The following FTO variants were observed in gnomAD, a reference collection of about 807,000 sequenced individuals.
FTO encodes FTO alpha-ketoglutarate dependent dioxygenase.
Under a neutral mutation model 63.9 loss-of-function variants are expected in FTO, and 47 were observed. The ratio of observed to expected loss-of-function variants is 0.74; its 90% CI spans 0.58 to 0.94. The LOEUF is 0.94. Ranked by LOEUF, FTO falls within the 40% of genes least tolerant of loss-of-function variation. The pLI, the probability that FTO is intolerant of heterozygous loss-of-function variation, is 0.00. For synonymous variants in FTO, 207 were observed against 224.4 expected, an observed-to-expected ratio of 0.92 and a Z score of 0.69; for missense variants, 562 against 618.1, an observed-to-expected ratio of 0.91 and a Z score of 0.96.
chr16:53,945,614 CTA>C (rs1260495115), intron 8 of FTO, among the ~76,000 whole-genome samples: 6 of 152,184 alleles, frequency 3.9e-5, no homozygotes, highest in African/African-American at 1.4e-4. Context: ...GGGTGCATCT[CTA>C]TAAGGAAATA....
chr16:53,739,269 G>A (rs753653015), intron 1 of FTO, among the ~76,000 whole-genome samples: 3 of 151,994 alleles, frequency 2.0e-5, no homozygotes, highest in Admixed American at 6.6e-5. Context: ...GCAATGGCAC[G>A]ATGTCGGCTC....
At chr16:53,890,623 T>A (rs937233940) in intron 7 of FTO, among the ~76,000 whole-genome samples, 7 of 152,236 alleles carry the variant, frequency 4.6e-5, no homozygotes, top group Non-Finnish European at 1.0e-4. Context: ...ATAATCCTTT[T>A]AATGTATTAA....
intron 1 of FTO, among the ~76,000 whole-genome samples, chr16:53,808,175 A>G (rs1007849299): frequency 1.3e-5 from 2 of 151,990 alleles, no homozygotes; most frequent in African/African-American, 4.8e-5. Context: ...CAAAAAAAGT[A>G]AAACAAAACT....
intron 1 of FTO, among the ~76,000 whole-genome samples, chr16:53,781,065 A>G (rs1050111460): frequency 6.6e-6 from 1 of 152,228 alleles, no homozygotes; most frequent in Non-Finnish European, 1.5e-5. Context: ...CACATTCCCA[A>G]CTGTGCCCCT....
At chr16:53,999,377 G>A (rs951950949) in intron 8 of FTO, among the ~76,000 whole-genome samples, 1 of 152,158 alleles carries the variant, frequency 6.6e-6, no homozygotes, top group Non-Finnish European at 1.5e-5. Context: ...AAGACTTTCC[G>A]GGTAAAGTTT....
chr16:54,020,809 T>G (rs942110601), intron 8 of FTO, among the ~76,000 whole-genome samples: 54 of 152,214 alleles, frequency 3.5e-4, no homozygotes, highest in African/African-American at 1.3e-3. Context: ...TCATCTCTAC[T>G]AACAATACAA....
In FTO at chr16:53,903,850, A is replaced by G. The variant is rs147579640; in HGVS notation, c.1239+14899A>G. 2.4e-3 allele frequency among the ~76,000 whole-genome samples: 369 copies of G among 152,258 alleles called. 2 individuals are homozygous for G. The highest frequency in any genetic ancestry group is 8.6e-3 in the African/African-American group (359 of 41,560). On this transcript the variant is annotated intron_variant, in intron 7 of 8. Coordinates refer to ENST00000471389, the MANE Select transcript of FTO (RefSeq NM_001080432.3). ...AAGGATGTGTGCATTTTTAATTTTA[A>G]GAGAGATGGTCAAATGCCTTCCATA...
In FTO at chr16:53,751,620, G is replaced by A. The variant is rs144732683; in HGVS notation, c.45+47391G>A. On this transcript the variant is annotated intron_variant, in intron 1 of 8. Coordinates refer to ENST00000471389, the MANE Select transcript of FTO (RefSeq NM_001080432.3). ...GGCAAATCTATGAAGATGGGAAGTA[G>A]GTGAGTGATTGCCCAGGGGTGGGGT... Among the ~76,000 whole-genome samples the A allele has an allele frequency of 8.5e-5, 13 of 152,294 alleles. No homozygotes were observed. The East Asian group carries it at 2.3e-3, about 27-fold the overall frequency.
chr16:53,801,723 A>AT (rs60351438), intron 1 of FTO, among the ~76,000 whole-genome samples: 14,956 of 137,878 alleles, frequency 0.11, 1,039 homozygotes, highest in African/African-American at 0.22. Flanking sequence ...TCCGGCAACC[A>AT]TTTTTTTTTT....
chr16:53,961,789 C>T (rs2083086757), intron 8 of FTO, among the ~76,000 whole-genome samples: 1 of 152,158 alleles, frequency 6.6e-6, no homozygotes, highest in African/African-American at 2.4e-5. Context: ...CAGTGATTTG[C>T]GCTAGTCTGG....
intron 8 of FTO, among the ~76,000 whole-genome samples, chr16:54,041,259 G>C (rs2085068424): frequency 6.6e-6 from 1 of 152,048 alleles, no homozygotes; most frequent in African/African-American, 2.4e-5. Flanking sequence ...AAAGCAAGAC[G>C]GCAGGAGAGG....
intron 4 of FTO, among the ~76,000 whole-genome samples, chr16:53,868,870 C>G (rs2080407798): frequency 6.6e-6 from 1 of 152,020 alleles, no homozygotes; most frequent in East Asian, 1.9e-4. Context: ...TTCACTCTGT[C>G]TCCCAGGCTG....
At chr16:53,756,496 T>C (rs1460712948) in intron 1 of FTO, among the ~76,000 whole-genome samples, 1 of 152,248 alleles carries the variant, frequency 6.6e-6, no homozygotes, top group African/African-American at 2.4e-5. Context: ...TTTCCGGCCA[T>C]AAAGTTTGCA....
At chr16:53,822,899 G>A (rs1184297529) in intron 2 of FTO, among the ~76,000 whole-genome samples, 5 of 152,082 alleles carry the variant, frequency 3.3e-5, no homozygotes, top group South Asian at 2.1e-4. Flanking sequence ...TCTCTGCATC[G>A]TCAGCCTCTT....
intron 8 of FTO, chr16:53,979,282 T>C (rs1599134114): frequency 2.5e-6 from 1 of 396,876 alleles, no homozygotes; most frequent in African/African-American, 2.1e-5. Flanking sequence ...AAGGAGAGTG[T>C]ACATTGTAAG....
At chr16:53,796,410 A>T (rs2078073095) in intron 1 of FTO, among the ~76,000 whole-genome samples, 1 of 152,200 alleles carries the variant, frequency 6.6e-6, no homozygotes, top group South Asian at 2.1e-4. Flanking sequence ...GTATTGGAAA[A>T]TTCACTAAGT....
intron 1 of FTO, among the ~76,000 whole-genome samples, chr16:53,766,612 C>A (rs2077209112): frequency 6.6e-6 from 1 of 152,106 alleles, no homozygotes; most frequent in South Asian, 2.1e-4. Flanking sequence ...TTTGGACAGT[C>A]ACATGACTGG....
At chr16:53,836,894 C>T (rs17818824) in intron 3 of FTO, among the ~76,000 whole-genome samples, 21,161 of 152,102 alleles carry the variant, frequency 0.14, 1,837 homozygotes, top group South Asian at 0.24. Flanking sequence ...GTACTTTGAA[C>T]TCTGGATCAA....
chr16:53,876,447 A>G (rs1027803722), intron 5 of FTO, among the ~76,000 whole-genome samples: 2 of 152,210 alleles, frequency 1.3e-5, no homozygotes, highest in African/African-American at 4.8e-5. Context: ...GGCCTTCATC[A>G]AAGTTAAAAA....
Sources: gnomAD v4.1 joint callset for allele counts (sites outside exome capture counted in the v4.1 genomes callset) on GRCh38, gnomAD v4.1.1 for gene constraint, MANE v1.5 for transcripts, NCBI Gene and HGNC (gene_info 2026-07-23, HGNC 2026-07-21) for gene names.